Variants in CTXND1 observed in about 807,000 individuals in gnomAD.
CTXND1 encodes the protein cortexin domain containing 1.
At chr15:80,249,583 G>A (rs1893671308) in intron 1 of CTXND1, among the ~76,000 whole-genome samples, 1 of 152,202 alleles carries the variant, frequency 6.6e-6, no homozygotes, top group Admixed American at 6.5e-5. Context: ...TGATGATTCT[G>A]GGGTTTTACA....
chr15:80,222,593 CTT>C (rs1310838244), intron 1 of CTXND1, among the ~76,000 whole-genome samples: 1 of 152,144 alleles, frequency 6.6e-6, no homozygotes, highest in African/African-American at 2.4e-5. Context: ...CACATTATCT[CTT>C]TTAATTGTTA....
intron 1 of CTXND1, among the ~76,000 whole-genome samples, chr15:80,246,360 G>T (rs1893629521): frequency 6.6e-6 from 1 of 152,210 alleles, no homozygotes; most frequent in South Asian, 2.1e-4. Context: ...AAGAGTCATG[G>T]TTAAAAGGCA....
chr15:80,231,302 T>C (rs937019607), intron 1 of CTXND1, among the ~76,000 whole-genome samples: 1 of 151,492 alleles, frequency 6.6e-6, no homozygotes, highest in Non-Finnish European at 1.5e-5. Context: ...AAATCTAAGC[T>C]AGGAGAAGAG....
chr15:80,202,195 G>A (rs566285461), intron 2 of CTXND1, among the ~76,000 whole-genome samples, 181 bp from the exon 3 acceptor site: 6 of 85,660 alleles, frequency 7.0e-5, no homozygotes, highest in East Asian at 1.2e-3. Flanking sequence ...GTCACAGCCC[G>A]AAACCTTGTA....
chr15:80,250,683 G>GT (rs1438885248), intron 1 of CTXND1, among the ~76,000 whole-genome samples: 1 of 152,166 alleles, frequency 6.6e-6, no homozygotes, highest in Admixed American at 6.5e-5. Flanking sequence ...AGGACGTAAG[G>GT]TTTTGCTTTT....
rs180903295 is a variant in CTXND1 at position 80,227,274 on chromosome 15, A to T, written c.-217-23534T>A. On this transcript the variant is annotated intron_variant, in intron 1 of 2. Coordinates refer to ENST00000560778, the MANE Select transcript of CTXND1 (RefSeq NM_001352888.2). Reference sequence around the variant, plus strand: ...AACAGATTGAAAGTCCTTTATAGGCACCTACCTCATTGAGTAGTGAAGGTA... The same window carrying T: ...AACAGATTGAAAGTCCTTTATAGGCTCCTACCTCATTGAGTAGTGAAGGTA... 6.6e-5 allele frequency among the ~76,000 whole-genome samples: 10 copies of T among 152,332 alleles called. No individual in the cohort carries two copies. In the East Asian group the frequency reaches 1.7e-3, roughly 26 times the overall value.
intron 1 of CTXND1, among the ~76,000 whole-genome samples, chr15:80,244,008 G>A (rs1049672147): frequency 5.9e-5 from 9 of 152,178 alleles, no homozygotes; most frequent in African/African-American, 2.2e-4. Context: ...CCACTGTGGA[G>A]CCCAGGGCTC....
At chr15:80,242,043 G>A (rs985068679) in intron 1 of CTXND1, among the ~76,000 whole-genome samples, 1 of 152,218 alleles carries the variant, frequency 6.6e-6, no homozygotes. Flanking sequence ...GAGGCTCAGA[G>A]AGGCTACCTG....
chr15:80,202,588 T>A (rs1893092280), intron 2 of CTXND1, among the ~76,000 whole-genome samples: 1 of 152,216 alleles, frequency 6.6e-6, no homozygotes, highest in Admixed American at 6.5e-5. Context: ...GCATCAGGAT[T>A]ACAGGCGTGA....
At chr15:80,242,599 T>A (rs568017857) in intron 1 of CTXND1, among the ~76,000 whole-genome samples, 4 of 152,354 alleles carry the variant, frequency 2.6e-5, no homozygotes, top group Admixed American at 2.6e-4. Flanking sequence ...CACGGGGCCC[T>A]CTGGTAGATC....
At chr15:80,225,323 T>A (rs1893360293) in intron 1 of CTXND1, among the ~76,000 whole-genome samples, 1 of 151,366 alleles carries the variant, frequency 6.6e-6, no homozygotes, top group Non-Finnish European at 1.5e-5. Flanking sequence ...AGATTTTTAA[T>A]GTGTGTGTTT....
chr15:80,217,606 G>T (rs186734799), intron 1 of CTXND1, among the ~76,000 whole-genome samples: 14 of 151,954 alleles, frequency 9.2e-5, no homozygotes, highest in African/African-American at 3.1e-4. Context: ...GAGTGCAGTG[G>T]CAAAATCTCA....
At chr15:80,239,754 C>T (rs1199426450) in intron 1 of CTXND1, among the ~76,000 whole-genome samples, 1 of 152,112 alleles carries the variant, frequency 6.6e-6, no homozygotes, top group Non-Finnish European at 1.5e-5. Flanking sequence ...CCCCATTGTC[C>T]ACAGAGTCCA....
At chr15:80,223,858 G>A (rs1415167794) in intron 1 of CTXND1, among the ~76,000 whole-genome samples, 1 of 151,960 alleles carries the variant, frequency 6.6e-6, no homozygotes, top group Non-Finnish European at 1.5e-5. Context: ...CATATGTGAG[G>A]GTTGATGTGC....
intron 1 of CTXND1, among the ~76,000 whole-genome samples, chr15:80,218,980 G>A (rs898777689): frequency 6.7e-6 from 1 of 149,016 alleles, no homozygotes; most frequent in Non-Finnish European, 1.5e-5. Flanking sequence ...CGCCCAGGCT[G>A]GGGTGCAGTG....
intron 1 of CTXND1, among the ~76,000 whole-genome samples, chr15:80,217,521 C>CCTAT (rs376403510): frequency 7.0e-6 from 1 of 143,682 alleles, no homozygotes; most frequent in Non-Finnish European, 1.5e-5. Flanking sequence ...CAATAGCTTG[C>CCTAT]TTATTTATTT....
intron 1 of CTXND1, among the ~76,000 whole-genome samples, chr15:80,236,842 T>C (rs2141461565): frequency 1.3e-5 from 2 of 151,862 alleles, no homozygotes; most frequent in South Asian, 4.2e-4. Context: ...CTTAGTGGCA[T>C]GGTAGCCCTC....
At chr15:80,222,493 A>G (rs1163398067) in intron 1 of CTXND1, among the ~76,000 whole-genome samples, 1 of 152,154 alleles carries the variant, frequency 6.6e-6, no homozygotes, top group Non-Finnish European at 1.5e-5. Context: ...TCTAATATAC[A>G]ATATCCAATT....
At chr15:80,223,865 G>A (rs1893345562) in intron 1 of CTXND1, among the ~76,000 whole-genome samples, 1 of 151,770 alleles carries the variant, frequency 6.6e-6, no homozygotes, top group Admixed American at 6.5e-5. Flanking sequence ...GAGGGTTGAT[G>A]TGCTAATTTA....
Sources: gnomAD v4.1 joint callset for allele counts (sites outside exome capture counted in the v4.1 genomes callset) on GRCh38, gnomAD v4.1.1 for gene constraint, MANE v1.5 for transcripts, NCBI Gene and HGNC (gene_info 2026-07-23, HGNC 2026-07-21) for gene names.